ARL5A: variants seen among roughly 807,000 people sequenced by gnomAD.
ARL5A encodes the protein ARF like GTPase 5A, also known as ADP-ribosylation factor-like protein 5A.
In ARL5A, 18 loss-of-function variants were observed where a neutral mutation model predicts 25.9. That is an observed-to-expected ratio of 0.69 (90% confidence interval 0.48 to 1.03). The LOEUF (loss-of-function observed/expected upper bound fraction) is 1.03, where lower values mean the gene tolerates loss of function less well. Ranked by LOEUF, ARL5A falls within the 50% of genes least tolerant of loss-of-function variation. ARL5A has a pLI of 0.00. For missense variants in ARL5A, 170 were observed against 211.9 expected (o/e 0.80, Z 1.23); for synonymous variants, 61 against 67.5 (o/e 0.90, Z 0.47).
rs955800644 is a variant in ARL5A at position 151,799,770 on chromosome 2, T to C, written c.*3506A>G. On this transcript the variant is annotated 3_prime_UTR_variant, in exon 6 of 6. Transcript: ENST00000295087. ...CTACCTCAAGCCAGTGGTGAGAAGA[T>C]AGCAAGGAACTAGAAAAGCTACATA... 1.3e-5 allele frequency: 2 copies of C among 152,208 alleles called. No individual in the cohort carries two copies. Among genetic ancestry groups the C allele is most frequent in the African/African-American group, 4.8e-5 (2 of 41,454 alleles). 9.4% of individuals were successfully genotyped at this position (152,208 alleles called of 1,614,324 possible). A position where few individuals can be genotyped will look rare whatever the true frequency, so the allele number is the denominator to read the frequency against.
intron 2 of ARL5A, 91 bp downstream of exon 2, chr2:151,815,048 T>C (rs2099831318): frequency 2.1e-6 from 2 of 947,704 alleles, no homozygotes; most frequent in East Asian, 2.7e-5. Context: ...TTAGGTTTCA[T>C]GTAATTTCTT....
chr2:151,807,427 A>G (rs2099830235), intron 4 of ARL5A, among the ~76,000 whole-genome samples: 1 of 152,168 alleles, frequency 6.6e-6, no homozygotes, highest in Non-Finnish European at 1.5e-5. Flanking sequence ...TATGTTGTTC[A>G]AATCATTTCT....
chr2:151,800,554 AT>A lies in ARL5A; in HGVS notation c.*2721del, dbSNP rs2099829265. ...GGCAAAATGTCACATAAGAAAATGA[AT>A]CCCCTATCCACTTCCCCACTATAAC... On this transcript the variant is annotated 3_prime_UTR_variant, in exon 6 of 6. Transcript: ENST00000295087. 6.6e-6 allele frequency: 1 copy of A among 152,192 alleles called. No individual in the cohort carries two copies. Among genetic ancestry groups the A allele is most frequent in the South Asian group, 2.1e-4 (1 of 4,820 alleles). 9.4% of individuals were successfully genotyped at this position (152,192 alleles called of 1,614,324 possible).
At chr2:151,825,957 T>C (rs1177134308) in intron 1 of ARL5A, among the ~76,000 whole-genome samples, 1 of 151,968 alleles carries the variant, frequency 6.6e-6, no homozygotes, top group Admixed American at 6.6e-5. Flanking sequence ...ACCCCATCTC[T>C]ACAAAAAATA....
At chr2:151,809,974 T>G (rs974891027) in intron 4 of ARL5A, among the ~76,000 whole-genome samples, 8 of 152,198 alleles carry the variant, frequency 5.3e-5, no homozygotes, top group Admixed American at 2.0e-4. Context: ...TCTCAGCTAC[T>G]CTGGAGGCTG....
chr2:151,828,312 C>A lies in ARL5A; in HGVS notation c.-136G>T. ...CCCGCGCTGGTCGCGGGCCCGCTTCCAGGGAACCGGAGGGAGGCCGAAGCC... is the reference window on the plus strand; with the variant it reads ...CCCGCGCTGGTCGCGGGCCCGCTTCAAGGGAACCGGAGGGAGGCCGAAGCC... On this transcript the variant is annotated 5_prime_UTR_variant, in exon 1 of 6. Coordinates refer to ENST00000295087, the MANE Select transcript of ARL5A (RefSeq NM_012097.4). 1 of 778,706 alleles carries A rather than the reference C, an allele frequency of 1.3e-6. No individual in the cohort carries two copies. The highest frequency in any genetic ancestry group is 2.0e-6 in the Non-Finnish European group (1 of 504,620). The allele number at this position is 778,706 out of a possible 1,614,324, so 48.2% of individuals were successfully genotyped here.
At position 151,806,863 on chromosome 2, in the gene ARL5A, T is replaced by C; in HGVS notation, c.449A>G (p.His150Arg). 3 of 1,613,480 alleles carry C rather than the reference T, an allele frequency of 1.9e-6. No homozygotes were observed. Among genetic ancestry groups the C allele is most frequent in the Non-Finnish European group, 1.7e-6 (2 of 1,179,738 alleles). Residue 150 changes from histidine to arginine, a missense_variant, in exon 5 of 6, where the codon CAC becomes CGC. Transcript: ENST00000295087. ...ACAGCATGCCTGGATATGCCACTGG[T>C]GATCTTTAATAGAAGTTAGCTTCAA... ...QFLKLTSIKDHQWHIQACCAL... is the reference protein window; with the variant it reads ...QFLKLTSIKDRQWHIQACCAL...
At chr2:151,803,611 G>A (rs773535907) in intron 5 of ARL5A, among the ~76,000 whole-genome samples, 34 of 152,162 alleles carry the variant, frequency 2.2e-4, no homozygotes, top group Non-Finnish European at 3.4e-4. Context: ...GGGCTCAAGC[G>A]ATCTCCCCAC....
Position 151,806,679 on chromosome 2 carries a change from T to C in ARL5A, c.491+142A>G, listed in dbSNP as rs2099830158. 8 of 765,692 alleles carry C rather than the reference T, an allele frequency of 1.0e-5. 1 individual carries two copies. In the South Asian group the frequency reaches 2.1e-4, roughly 20 times the overall value. The allele number at this position is 765,692 out of a possible 1,614,324, so 47.4% of individuals were successfully genotyped here. On this transcript the variant is annotated intron_variant, in intron 5 of 5. Coordinates refer to ENST00000295087, the MANE Select transcript of ARL5A (RefSeq NM_012097.4). ...CAGAACCACCCTAAAAAGTCTCTGA[T>C]TATAGACATGAACTACAGCTTACGT...
At chr2:151,821,707 C>T (rs193186684) in intron 1 of ARL5A, among the ~76,000 whole-genome samples, 165 of 150,790 alleles carry the variant, frequency 1.1e-3, no homozygotes, top group African/African-American at 3.7e-3. Context: ...CAGGTTCAAA[C>T]GATTCTCCTC....
Position 151,798,998 on chromosome 2 carries a change from C to A in ARL5A, c.*4278G>T, listed in dbSNP as rs1057002517. The stretch of plus-strand genomic sequence containing the variant: ...TGATAAGAAATACTGCATAACTAAT[C>A]CAAGTGTATCCTGGAACATTTCTTC... On this transcript the variant is annotated 3_prime_UTR_variant, in exon 6 of 6. Coordinates refer to ENST00000295087, the MANE Select transcript of ARL5A (RefSeq NM_012097.4). The A allele has an allele frequency of 2.0e-5, 3 of 152,138 alleles. No individual in the cohort carries two copies. Among genetic ancestry groups the A allele is most frequent in the Admixed American group, 6.5e-5 (1 of 15,268 alleles). 9.4% of individuals were successfully genotyped at this position (152,138 alleles called of 1,614,324 possible). A position where few individuals can be genotyped will look rare whatever the true frequency, so the allele number is the denominator to read the frequency against.
At chr2:151,803,590 C>T (rs1457637044) in intron 5 of ARL5A, among the ~76,000 whole-genome samples, 4 of 152,132 alleles carry the variant, frequency 2.6e-5, no homozygotes, top group East Asian at 1.9e-4. Flanking sequence ...CAATGGCAGC[C>T]GTGACCTCCT....
intron 1 of ARL5A, among the ~76,000 whole-genome samples, chr2:151,816,359 T>C (rs1022857066): frequency 6.6e-6 from 1 of 152,192 alleles, no homozygotes; most frequent in Non-Finnish European, 1.5e-5. Flanking sequence ...CAGAGTACTT[T>C]AATTTTAGCT....
chr2:151,827,055 T>C (rs147140363), intron 1 of ARL5A, among the ~76,000 whole-genome samples: 46 of 152,310 alleles, frequency 3.0e-4, no homozygotes, highest in African/African-American at 1.1e-3. Flanking sequence ...TAGGTGTACA[T>C]AATAGATGCC....
chr2:151,821,427 C>CCA (rs1158170872), intron 1 of ARL5A, among the ~76,000 whole-genome samples: 1 of 152,132 alleles, frequency 6.6e-6, no homozygotes, highest in Non-Finnish European at 1.5e-5. Flanking sequence ...TCCAAAAAAA[C>CCA]CACATGTAGT....
rs1451601381 is a variant in ARL5A at position 151,803,362 on chromosome 2, C to A, written c.492-38G>T. The A allele has an allele frequency of 2.0e-6, 3 of 1,516,474 alleles. No homozygotes were observed. In the Admixed American group the frequency reaches 5.1e-5, roughly 26 times the overall value. 93.9% of individuals were successfully genotyped at this position (1,516,474 alleles called of 1,614,324 possible). ...CAAAATCATTTGATTAAATTCTGAA[C>A]TAAGAAGCTATGAGCAGCAAACTAT... On this transcript the variant is annotated intron_variant, in intron 5 of 5. Transcript: ENST00000295087.
intron 3 of ARL5A, 80 bp from the exon 4 acceptor site, chr2:151,812,520 A>AG: frequency 1.1e-6 from 1 of 874,738 alleles, no homozygotes; most frequent in Non-Finnish European, 1.7e-6. Context: ...TTTGACATAC[A>AG]GGCTATTAAT....
At chr2:151,827,830 G>A in intron 1 of ARL5A, 1 of 427,928 alleles carries the variant, frequency 2.3e-6, no homozygotes, top group East Asian at 5.5e-5. Context: ...TGCTACTCAG[G>A]GACGTCGGAC....
chr2:151,815,201 T>G lies in ARL5A; in HGVS notation c.47-2A>C. 6.3e-7 allele frequency: 1 copy of G among 1,595,460 alleles called. No homozygotes were observed. Among genetic ancestry groups the G allele is most frequent in the Non-Finnish European group, 8.5e-7 (1 of 1,173,448 alleles). On this transcript the variant is annotated splice_acceptor_variant, in intron 1 of 5. Transcript: ENST00000295087. LOFTEE classifies it high-confidence loss of function. Reference sequence around the variant, plus strand: ...GCCCAACAATGATAACTTTGTGCTCTGAAATAGAGAAAACACCAGTGATTT... The same window carrying G: ...GCCCAACAATGATAACTTTGTGCTCGGAAATAGAGAAAACACCAGTGATTT...
Sources: allele counts gnomAD v4.1 joint callset (sites outside exome capture counted in the v4.1 genomes callset), GRCh38; gene constraint gnomAD v4.1.1; transcripts MANE v1.5; gene names NCBI Gene and HGNC (gene_info 2026-07-23, HGNC 2026-07-21).